SNX2: variants seen among roughly 807,000 people sequenced by gnomAD.
SNX2 encodes the protein sorting nexin-2.
Under a neutral mutation model 69.9 loss-of-function variants are expected in SNX2, and 25 were observed. The ratio of observed to expected loss-of-function variants is 0.36; its 90% CI spans 0.26 to 0.50. SNX2 has a LOEUF of 0.50. SNX2 is among the 20% of genes least tolerant of loss of function. The probability of loss-of-function intolerance (pLI) is 0.97; values close to 1 mark genes in which losing one functional copy is unlikely to be tolerated. For synonymous variants in SNX2, 229 were observed against 200.4 expected (o/e 1.14, Z -1.20); for missense variants, 551 against 613.3 (o/e 0.90, Z 1.07).
intron 11 of SNX2, among the ~76,000 whole-genome samples, chr5:122,819,490 T>C (rs539039103): frequency 1.3e-5 from 2 of 152,338 alleles, no homozygotes; most frequent in South Asian, 4.1e-4. Context: ...GTAGTCACCA[T>C]GTGTTTATAG....
rs575530304 is a variant in SNX2 at position 122,800,011 on chromosome 5, C to A, written c.390+156C>A. Among the ~76,000 whole-genome samples the A allele has an allele frequency of 2.0e-5, 3 of 152,278 alleles. No individual in the cohort carries two copies. In the East Asian group the frequency reaches 5.8e-4, roughly 29 times the overall value. On this transcript the variant is annotated intron_variant, in intron 3 of 14. Transcript: ENST00000379516. ...AGTTATGGGATCTGGCTTCTATCTT[C>A]CCCACTCTACCCAGTGACCTGGGCA...
intron 14 of SNX2, among the ~76,000 whole-genome samples, chr5:122,829,089 T>C (rs1444972676): frequency 6.6e-6 from 1 of 152,112 alleles, no homozygotes; most frequent in Non-Finnish European, 1.5e-5. Flanking sequence ...TGCACTCCGG[T>C]CTGGGCAATA....
intron 1 of SNX2, among the ~76,000 whole-genome samples, chr5:122,778,515 T>C (rs1368729011): frequency 6.6e-6 from 1 of 152,150 alleles, no homozygotes; most frequent in African/African-American, 2.4e-5. Context: ...TTATTTTTGT[T>C]TTTATTTTTT....
chr5:122,820,233 G>T (rs1561473426), intron 11 of SNX2, among the ~76,000 whole-genome samples: 1 of 152,156 alleles, frequency 6.6e-6, no homozygotes, highest in East Asian at 1.9e-4. Flanking sequence ...GAGTTGGGCA[G>T]TGTCTGTAAG....
At chr5:122,804,774 A>C (rs961974611) in intron 6 of SNX2, among the ~76,000 whole-genome samples, 6 of 151,990 alleles carry the variant, frequency 3.9e-5, no homozygotes, top group Admixed American at 1.3e-4. Flanking sequence ...GTCATCTCAA[A>C]ATTTTGTAGT....
chr5:122,806,142 G>GCGCGCACGCGCACACACA, intron 6 of SNX2, among the ~76,000 whole-genome samples: 1 of 130,584 alleles, frequency 7.7e-6, no homozygotes, highest in African/African-American at 2.9e-5. Flanking sequence ...ACACGCGCGC[G>GCGCGCACGCGCACACACA]CACACACACA....
At position 122,829,731 on chromosome 5, in the gene SNX2, T is replaced by C; in HGVS notation, c.*83T>C. ...CACAGTGAAATCATTTAAAACCATCTAAATAAACCACTATATATTTTATGA... is the reference window on the plus strand; with the variant it reads ...CACAGTGAAATCATTTAAAACCATCCAAATAAACCACTATATATTTTATGA... On this transcript the variant is annotated 3_prime_UTR_variant, in exon 15 of 15. Transcript: ENST00000379516. The C allele has an allele frequency of 9.5e-7, 1 of 1,047,828 alleles. No individual in the cohort carries two copies. The highest frequency in any genetic ancestry group is 1.7e-5 in the Admixed American group (1 of 57,154). 64.9% of individuals were successfully genotyped at this position (1,047,828 alleles called of 1,614,324 possible). A position where few individuals can be genotyped will look rare whatever the true frequency, so the allele number is the denominator to read the frequency against.
chr5:122,783,103 A>ATTT (rs200375716), intron 1 of SNX2, among the ~76,000 whole-genome samples: 3 of 144,184 alleles, frequency 2.1e-5, no homozygotes, highest in Admixed American at 6.9e-5. Flanking sequence ...TGCCCAGCTA[A>ATTT]TTTTTTTTTT....
intron 1 of SNX2, among the ~76,000 whole-genome samples, chr5:122,780,043 T>C (rs1422861554): frequency 6.6e-6 from 1 of 152,238 alleles, no homozygotes; most frequent in Non-Finnish European, 1.5e-5. Context: ...AGAAGTCTTA[T>C]AATGCCTCCC....
intron 1 of SNX2, among the ~76,000 whole-genome samples, chr5:122,780,143 G>C (rs1187237950): frequency 6.6e-6 from 1 of 152,200 alleles, no homozygotes; most frequent in Non-Finnish European, 1.5e-5. Flanking sequence ...AGCTAGGACT[G>C]CTGGATGGGC....
At chr5:122,816,835 A>C in intron 8 of SNX2, 80 bp from the exon 9 acceptor site, 1 of 521,962 alleles carries the variant, frequency 1.9e-6, no homozygotes. Context: ...AGGGGGGAGG[A>C]GGGGGGATCA....
chr5:122,809,583 C>A (rs555775914), intron 7 of SNX2, among the ~76,000 whole-genome samples: 1 of 152,276 alleles, frequency 6.6e-6, no homozygotes, highest in South Asian at 2.1e-4. Context: ...AGGCTTGAAA[C>A]TTTCTAATTT....
chr5:122,806,132 A>ACATGCGCGCGCGCG (rs1360809798), intron 6 of SNX2, among the ~76,000 whole-genome samples: 19 of 63,732 alleles, frequency 3.0e-4, no homozygotes, highest in Admixed American at 3.6e-4. Context: ...ATATATATAC[A>ACATGCGCGCGCGCG]CACGCGCGCG....
intron 6 of SNX2, among the ~76,000 whole-genome samples, chr5:122,806,133 C>CAT (rs1310982413): frequency 1.1e-4 from 6 of 54,038 alleles, no homozygotes; most frequent in Admixed American, 4.3e-4. Context: ...TATATATACA[C>CAT]ACGCGCGCGC....
intron 6 of SNX2, among the ~76,000 whole-genome samples, chr5:122,806,142 G>GCGCCCGCGCACACACACACACACACACA: frequency 7.7e-6 from 1 of 130,656 alleles, no homozygotes; most frequent in Admixed American, 7.6e-5. Context: ...ACACGCGCGC[G>GCGCCCGCGCACACACACACACACACACA]CACACACACA....
intron 7 of SNX2, among the ~76,000 whole-genome samples, chr5:122,811,489 A>G (rs757042757): frequency 2.0e-5 from 3 of 152,158 alleles, no homozygotes; most frequent in Non-Finnish European, 4.4e-5. Context: ...AATACTACAC[A>G]CTTTCTGTGT....
chr5:122,818,116 T>C (rs1753939760), intron 10 of SNX2, among the ~76,000 whole-genome samples: 1 of 152,174 alleles, frequency 6.6e-6, no homozygotes, highest in Non-Finnish European at 1.5e-5. Flanking sequence ...TTGAATTATA[T>C]ATATCTCTTA....
chr5:122,786,299 C>T (rs2150001740), intron 1 of SNX2, among the ~76,000 whole-genome samples: 1 of 152,024 alleles, frequency 6.6e-6, no homozygotes, highest in East Asian at 1.9e-4. Flanking sequence ...TCCAGTCTAG[C>T]CATCTCTGTT....
In SNX2 at chr5:122,832,338, T is replaced by C. The variant is rs969894864; in HGVS notation, c.*2690T>C. 10 of 152,144 alleles carry C rather than the reference T, an allele frequency of 6.6e-5. No individual in the cohort carries two copies. The highest frequency in any genetic ancestry group is 2.4e-4 in the African/African-American group (10 of 41,430). 9.4% of individuals were successfully genotyped at this position (152,144 alleles called of 1,614,324 possible). A position where few individuals can be genotyped will look rare whatever the true frequency, so the allele number is the denominator to read the frequency against. ...AAATATTTTGTTTAAAATATCAAAC[T>C]TCAATATAAATATGTTGGAAAACAA... On this transcript the variant is annotated 3_prime_UTR_variant, in exon 15 of 15. Transcript: ENST00000379516.
Sources: allele counts gnomAD v4.1 joint callset (sites outside exome capture counted in the v4.1 genomes callset), GRCh38; gene constraint gnomAD v4.1.1; transcripts MANE v1.5; gene names NCBI Gene and HGNC (gene_info 2026-07-23, HGNC 2026-07-21).